PRICKLE1: variants seen among roughly 807,000 people sequenced by gnomAD.
PRICKLE1 encodes prickle-like protein 1.
In PRICKLE1, 14 loss-of-function variants were observed where a neutral mutation model predicts 70.2. The ratio of observed to expected loss-of-function variants is 0.20; its 90% CI spans 0.13 to 0.31. The LOEUF (loss-of-function observed/expected upper bound fraction) is 0.31. PRICKLE1 is among the 10% of genes least tolerant of loss of function. The probability of loss-of-function intolerance (pLI) is 1.00; values close to 1 mark genes in which losing one functional copy is unlikely to be tolerated. For missense variants in PRICKLE1, 821 were observed against 1,026.2 expected, an observed-to-expected ratio of 0.80 and a Z score of 2.73; for synonymous variants, 357 against 379.9, an observed-to-expected ratio of 0.94 and a Z score of 0.70.
At chr12:42,568,016 A>C (rs1032992876) in intron 1 of PRICKLE1, among the ~76,000 whole-genome samples, 4 of 152,146 alleles carry the variant, frequency 2.6e-5, no homozygotes, top group African/African-American at 9.7e-5. Flanking sequence ...GTTCATTGTG[A>C]ATGGAATCTG....
intron 7 of PRICKLE1, 175 bp from the exon 8 acceptor site, chr12:42,460,840 C>A: frequency 1.4e-6 from 1 of 729,332 alleles, no homozygotes; most frequent in South Asian, 1.6e-5. Flanking sequence ...GGTATAAATG[C>A]AGTTATTGTT....
intron 1 of PRICKLE1, among the ~76,000 whole-genome samples, chr12:42,584,116 A>C (rs1225792479): frequency 6.6e-6 from 1 of 152,248 alleles, no homozygotes; most frequent in African/African-American, 2.4e-5. Flanking sequence ...GTTTACTTCC[A>C]ATAAAATCGT....
In PRICKLE1 at chr12:42,541,964, T is replaced by G. The variant is rs7133004; in HGVS notation, c.-49+47501A>C. Among the ~76,000 whole-genome samples the G allele has an allele frequency of 4.3e-3, 648 of 151,646 alleles. 8 individuals are homozygous for G. The highest frequency in any genetic ancestry group is 0.015 in the African/African-American group (602 of 41,340). ...AAACGGGCTTGCAACATCTCATTTG[T>G]GTAGTCCTTTCAAGTTTATGAAGTC... On this transcript the variant is annotated intron_variant, in intron 1 of 7. Coordinates refer to ENST00000345127, the MANE Select transcript of PRICKLE1 (RefSeq NM_153026.3).
chr12:42,525,401 G>T (rs1939784097), intron 1 of PRICKLE1, among the ~76,000 whole-genome samples: 1 of 152,164 alleles, frequency 6.6e-6, no homozygotes, highest in African/African-American at 2.4e-5. Flanking sequence ...GAGGGTCGAG[G>T]GAACCCCAAT....
intron 1 of PRICKLE1, among the ~76,000 whole-genome samples, chr12:42,540,804 G>A (rs1940098469): frequency 6.6e-6 from 1 of 151,986 alleles, no homozygotes; most frequent in Non-Finnish European, 1.5e-5. Context: ...CAGGTGATCT[G>A]CCCACCTCAG....
intron 1 of PRICKLE1, among the ~76,000 whole-genome samples, chr12:42,530,680 AT>A (rs34675637): frequency 0.2 from 18,979 of 96,132 alleles, 746 homozygotes; most frequent in Admixed American, 0.26. Context: ...TTATCAAATA[AT>A]TTTTTTTTTT....
At chr12:42,574,869 C>G (rs189425342) in intron 1 of PRICKLE1, among the ~76,000 whole-genome samples, 1 of 149,876 alleles carries the variant, frequency 6.7e-6, no homozygotes, top group Admixed American at 6.6e-5. Context: ...AGTTCATCTC[C>G]TATGAGACTA....
intron 1 of PRICKLE1, among the ~76,000 whole-genome samples, chr12:42,517,306 ATT>A (rs71794718): frequency 4.5e-5 from 4 of 88,956 alleles, no homozygotes; most frequent in African/African-American, 9.0e-5. Flanking sequence ...TCAGTCTGCC[ATT>A]TTTTTTTTTT....
chr12:42,465,462 A>T, intron 6 of PRICKLE1: 2 of 593,026 alleles, frequency 3.4e-6, no homozygotes, highest in Non-Finnish European at 5.9e-6. Context: ...CTCCCAAACT[A>T]ATATTCGCAA....
intron 1 of PRICKLE1, among the ~76,000 whole-genome samples, chr12:42,559,873 T>C (rs1490356642): frequency 6.6e-6 from 1 of 151,778 alleles, no homozygotes; most frequent in African/African-American, 2.4e-5. Flanking sequence ...TGGGGGAACT[T>C]ACATTCCAGG....
At chr12:42,564,199 T>A (rs1159356292) in intron 1 of PRICKLE1, among the ~76,000 whole-genome samples, 2 of 128,936 alleles carry the variant, frequency 1.6e-5, no homozygotes, top group Non-Finnish European at 3.1e-5. Flanking sequence ...GAGGTTGCAG[T>A]GAGCCAAGAT....
Position 42,468,806 on chromosome 12 carries a change from A to G in PRICKLE1, c.408T>C (p.Gly136=). 2 of 1,614,052 alleles carry G rather than the reference A, an allele frequency of 1.2e-6. No individual in the cohort carries two copies. Among genetic ancestry groups the G allele is most frequent in the African/African-American group, 2.7e-5 (2 of 75,012 alleles). The change falls in exon 5 of 8, where the codon GGT becomes GGC. Residue 136 remains glycine, a synonymous_variant. Transcript: ENST00000345127. ...CEQCGLKING[G]EVAVFASRAG... ...CACGGGAGGCGAACACTGCAACTTC[A>G]CCTCCATTTATCTTCAAACCACACT... is the stretch of plus-strand genomic sequence containing the variant.
chr12:42,500,016 G>T (rs2140180672), intron 1 of PRICKLE1, among the ~76,000 whole-genome samples: 1 of 152,248 alleles, frequency 6.6e-6, no homozygotes, highest in South Asian at 2.1e-4. Context: ...CTCCCAAAGG[G>T]CTGGGATTAC....
chr12:42,542,423 G>T (rs1334696452), intron 1 of PRICKLE1, among the ~76,000 whole-genome samples: 2 of 152,090 alleles, frequency 1.3e-5, no homozygotes, highest in African/African-American at 4.8e-5. Flanking sequence ...GGCCAAGATG[G>T]GTGGATCACC....
At chr12:42,466,401 C>T (rs1267575454) in intron 5 of PRICKLE1, 21 bp from the exon 6 acceptor site, 4 of 1,610,564 alleles carry the variant, frequency 2.5e-6, no homozygotes, top group Admixed American at 1.7e-5. Context: ...AAATGTGAAA[C>T]CAGAGAATGA....
In PRICKLE1 at chr12:42,464,961, T is replaced by C. The variant is rs936419861; in HGVS notation, c.1073A>G (p.Tyr358Cys). Residue 358 changes from tyrosine (Y) to cysteine (C), a missense_variant, in exon 7 of 8, where the codon TAC (tyrosine) becomes TGC (cysteine). By Grantham distance (194) the Tyr-to-Cys change is radical. Transcript: ENST00000345127. This position sits in a 1 kb window ranked among gnomAD's most constrained non-coding sequence, Gnocchi z 4.2. ...QSLLLSPALN[Y>C]KFPGLSGNAD... ...ATTGCCTGAGAGGCCAGGAAACTTGTAGTTCAGAGCAGGCGATAAGAGGAG... is the reference window on the plus strand; with the variant it reads ...ATTGCCTGAGAGGCCAGGAAACTTGCAGTTCAGAGCAGGCGATAAGAGGAG... 6.2e-7 allele frequency: 1 copy of C among 1,614,188 alleles called. No homozygotes were observed. Among genetic ancestry groups the C allele is most frequent in the Non-Finnish European group, 8.5e-7 (1 of 1,180,030 alleles).
chr12:42,465,265 T>G lies in PRICKLE1; in HGVS notation c.776-7A>C. 1 of 1,613,942 alleles carries G rather than the reference T, an allele frequency of 6.2e-7. No individual in the cohort carries two copies. The highest frequency in any genetic ancestry group is 8.5e-7 in the Non-Finnish European group (1 of 1,179,956). ...ATCTGTGCATGGTCCACACCTGTTTTGAAAAGGATAGAATAAATAACAGGT... is the reference window on the plus strand; with the variant it reads ...ATCTGTGCATGGTCCACACCTGTTTGGAAAAGGATAGAATAAATAACAGGT... On this transcript the variant is annotated splice_region_variant and splice_polypyrimidine_tract_variant and intron_variant, in intron 6 of 7. Coordinates refer to ENST00000345127, the MANE Select transcript of PRICKLE1 (RefSeq NM_153026.3).
intron 1 of PRICKLE1, among the ~76,000 whole-genome samples, chr12:42,527,962 T>C (rs2708036): frequency 0.025 from 229 of 9,200 alleles, 10 homozygotes; most frequent in African/African-American, 0.044. Flanking sequence ...TATATATATA[T>C]ATATATATAT....
At chr12:42,545,096 T>C (rs1254393256) in intron 1 of PRICKLE1, among the ~76,000 whole-genome samples, 5 of 152,060 alleles carry the variant, frequency 3.3e-5, no homozygotes, top group South Asian at 2.1e-4. Flanking sequence ...CTCAACCTCC[T>C]GGGCTCGAGT....
Sources: gnomAD v4.1 joint callset for allele counts (sites outside exome capture counted in the v4.1 genomes callset) on GRCh38, gnomAD v4.1.1 for gene constraint, Gnocchi (gnomAD v3.1) non-coding constraint, MANE v1.5 for transcripts, NCBI Gene and HGNC (gene_info 2026-07-23, HGNC 2026-07-21) for gene names.